Variants in SAMSN1 observed in about 807,000 individuals in gnomAD.
SAMSN1 encodes SAM domain, SH3 domain and nuclear localization signals 1.
In SAMSN1, 31 loss-of-function variants were observed where a neutral mutation model predicts 42.0. That is an observed-to-expected ratio of 0.74 (90% CI 0.55 to 1.00). SAMSN1 has a LOEUF of 1.00. Ranked by LOEUF, SAMSN1 falls within the 50% of genes least tolerant of loss-of-function variation. The probability of loss-of-function intolerance (pLI) is 0.00; values close to 1 mark genes in which losing one functional copy is unlikely to be tolerated. For missense variants in SAMSN1, 464 were observed against 439.4 expected (o/e 1.06, Z -0.50); for synonymous variants, 178 against 151.9 (o/e 1.17, Z -1.26).
At chr21:14,491,845 G>C (rs1277945706) in intron 7 of SAMSN1, among the ~76,000 whole-genome samples, 1 of 152,054 alleles carries the variant, frequency 6.6e-6, no homozygotes, top group Non-Finnish European at 1.5e-5. Context: ...ATATAGATAT[G>C]ATAAAAAACT....
At chr21:14,546,362 T>G (rs781234515), upstream of SAMSN1, 63 of 1,530,300 alleles carry the variant, frequency 4.1e-5, no homozygotes, top group Non-Finnish European at 4.9e-5. Flanking sequence ...TCAGATAAGG[T>G]TGAGCCCAGG....
chr21:14,598,221 T>A (rs1406340077), intron 6 of SAMSN1: 1 of 152,130 alleles, frequency 6.6e-6, no homozygotes, highest in Admixed American at 6.6e-5. Context: ...CTCTTTTCTA[T>A]CATGAATATG....
chr21:14,498,931 C>T (rs1453721631), intron 6 of SAMSN1, among the ~76,000 whole-genome samples: 1 of 152,224 alleles, frequency 6.6e-6, no homozygotes, highest in African/African-American at 2.4e-5. Context: ...ACTAGCATTA[C>T]TTTAAGTCTA....
At chr21:14,548,002 G>A (rs1451454646), upstream of SAMSN1, among the ~76,000 whole-genome samples, 1 of 152,098 alleles carries the variant, frequency 6.6e-6, no homozygotes, top group Non-Finnish European at 1.5e-5. Flanking sequence ...TTGAGGTGGG[G>A]TAATTCCCCA....
chr21:14,552,615 T>G (rs1031065939), intron 2 of SAMSN1, among the ~76,000 whole-genome samples: 7 of 152,114 alleles, frequency 4.6e-5, no homozygotes, highest in African/African-American at 1.7e-4. Flanking sequence ...GCCTCTAAAC[T>G]GTGAGAAATG....
chr21:14,522,223 A>G (rs1005994919), intron 1 of SAMSN1, among the ~76,000 whole-genome samples: 1 of 152,218 alleles, frequency 6.6e-6, no homozygotes, highest in Non-Finnish European at 1.5e-5. Context: ...AGGCAATTAT[A>G]AATAATTTCT....
At chr21:14,610,697 T>G (rs947897723) in intron 4 of SAMSN1, among the ~76,000 whole-genome samples, 1 of 152,190 alleles carries the variant, frequency 6.6e-6, no homozygotes, top group African/African-American at 2.4e-5. Flanking sequence ...TCAGACTGGC[T>G]GACACTTAGA....
chr21:14,550,437 A>G (rs540125492), upstream of SAMSN1, among the ~76,000 whole-genome samples: 2 of 152,216 alleles, frequency 1.3e-5, no homozygotes, highest in East Asian at 3.9e-4. Context: ...GATTAGGGGA[A>G]GATAAAATTC....
intron 2 of SAMSN1, among the ~76,000 whole-genome samples, chr21:14,634,091 G>A (rs2123367011): frequency 6.6e-6 from 1 of 151,746 alleles, no homozygotes; most frequent in South Asian, 2.1e-4. Context: ...AACGGTGCTG[G>A]GAAAACTGGC....
intron 2 of SAMSN1, among the ~76,000 whole-genome samples, chr21:14,555,808 G>A (rs1980745123): frequency 6.6e-6 from 1 of 152,090 alleles, no homozygotes; most frequent in Non-Finnish European, 1.5e-5. Flanking sequence ...GCCTCATTTG[G>A]CAGAAAGGCA....
At chr21:14,589,950 T>C (rs1230867012) in intron 7 of SAMSN1, among the ~76,000 whole-genome samples, 2 of 152,132 alleles carry the variant, frequency 1.3e-5, no homozygotes, top group Admixed American at 1.3e-4. Flanking sequence ...CAAAAATTAA[T>C]ATTTTGGTTT....
intron 2 of SAMSN1, among the ~76,000 whole-genome samples, chr21:14,636,609 G>A (rs543607420): frequency 1.3e-5 from 2 of 152,292 alleles, no homozygotes; most frequent in Middle Eastern, 3.4e-3. Context: ...TTAGGAGGTC[G>A]AGGCAGGCGG....
intron 5 of SAMSN1, among the ~76,000 whole-genome samples, chr21:14,508,492 A>T (rs1373411622): frequency 6.6e-6 from 1 of 152,240 alleles, no homozygotes; most frequent in Non-Finnish European, 1.5e-5. Flanking sequence ...AATGCAAATC[A>T]AAACCACAAT....
At chr21:14,568,920 C>T (rs1981202085) in intron 2 of SAMSN1, among the ~76,000 whole-genome samples, 1 of 152,084 alleles carries the variant, frequency 6.6e-6, no homozygotes. Flanking sequence ...ATTCATTTCA[C>T]ACAAAAATGC....
rs755660485 is a variant in SAMSN1, at chr21:14,546,229, C to G, written c.33G>C (p.Glu11Asp). The change falls in exon 1 of 8, where the codon GAG (glutamate) becomes GAC (aspartate). Residue 11 changes from glutamate to aspartate, a missense_variant. Physicochemically the swap from Glu to Asp is conservative, Grantham distance 45. Coordinates refer to ENST00000400566, the MANE Select transcript of SAMSN1 (RefSeq NM_022136.5). MLKRKPSNVS[E>D]KEKHQKPKRS... ...CCTTTGGTTTTTGATGTTTCTCCTT[C>G]TCTGAAACATTGGATGGCTTTCTCT... The G allele has an allele frequency of 6.2e-7, 1 of 1,613,386 alleles. No homozygotes were observed. The highest frequency in any genetic ancestry group is 2.2e-5 in the East Asian group (1 of 44,844).
intron 7 of SAMSN1, 109 bp downstream of exon 7, chr21:14,498,333 C>A: frequency 1.2e-6 from 1 of 869,216 alleles, no homozygotes; most frequent in South Asian, 1.8e-5. Flanking sequence ...TATGGGAAAG[C>A]GTGCTTTCAT....
chr21:14,623,993 C>T (rs1272560151), intron 2 of SAMSN1, among the ~76,000 whole-genome samples: 1 of 152,202 alleles, frequency 6.6e-6, no homozygotes, highest in Non-Finnish European at 1.5e-5. Context: ...TGCTCAACTA[C>T]ATGGAAACTG....
intron 2 of SAMSN1, among the ~76,000 whole-genome samples, chr21:14,569,129 T>TA (rs11361968): frequency 1.1e-4 from 17 of 150,626 alleles, no homozygotes; most frequent in East Asian, 9.8e-4. Flanking sequence ...CATTTCTATT[T>TA]AAAAAAAAAA....
At chr21:14,498,047 G>A (rs1018497548) in intron 7 of SAMSN1, among the ~76,000 whole-genome samples, 3 of 152,148 alleles carry the variant, frequency 2.0e-5, no homozygotes, top group Admixed American at 6.5e-5. Flanking sequence ...TGCCATGAAG[G>A]CTCATTATCT....
Sources: allele counts gnomAD v4.1 joint callset (sites outside exome capture counted in the v4.1 genomes callset), GRCh38; gene constraint gnomAD v4.1.1; transcripts MANE v1.5; gene names NCBI Gene and HGNC (gene_info 2026-07-23, HGNC 2026-07-21).